Variants in ZPBP observed in about 807,000 individuals in gnomAD.
The protein encoded by ZPBP is zona pellucida binding protein, also known as zona pellucida-binding protein 1.
ZPBP carries 26 observed loss-of-function variants against 44.8 expected under a neutral mutation model. The ratio of observed to expected loss-of-function variants is 0.58; its 90% confidence interval spans 0.43 to 0.81. The LOEUF is 0.81. ZPBP is among the 30% of genes least tolerant of loss of function. The pLI is 0.00. For synonymous variants in ZPBP, 174 were observed against 153.2 expected (o/e 1.14, Z -1.00); for missense variants, 409 against 434.0 (o/e 0.94, Z 0.51).
intron 7 of ZPBP, among the ~76,000 whole-genome samples, chr7:49,963,227 G>T (rs1355011745): frequency 6.6e-6 from 1 of 151,308 alleles, no homozygotes; most frequent in African/African-American, 2.4e-5. Flanking sequence ...TTTAAGAGAT[G>T]GACAACAGAA....
chr7:49,860,260 G>A (rs1790596838), intron 2 of ZPBP, among the ~76,000 whole-genome samples: 1 of 152,024 alleles, frequency 6.6e-6, no homozygotes, highest in Non-Finnish European at 1.5e-5. Context: ...CCTCATTCCT[G>A]TCTACGTCAG....
intron 1 of ZPBP, chr7:49,919,844 A>G (rs962934097): frequency 6.6e-6 from 1 of 152,204 alleles, no homozygotes; most frequent in African/African-American, 2.4e-5. Flanking sequence ...TCATTTTAAG[A>G]TAGGCATCAG....
intron 4 of ZPBP, among the ~76,000 whole-genome samples, chr7:50,052,207 T>C (rs1259324616): frequency 1.3e-5 from 2 of 152,132 alleles, no homozygotes; most frequent in East Asian, 1.9e-4. Flanking sequence ...AGAAAGAGTA[T>C]CTATCTATCT....
chr7:49,939,209 AG>A (rs1159413683), intron 7 of ZPBP, among the ~76,000 whole-genome samples: 4 of 152,226 alleles, frequency 2.6e-5, no homozygotes, highest in Non-Finnish European at 4.4e-5. Context: ...AGATACTAAA[AG>A]TGTTAAATCA....
chr7:49,996,576 T>C (rs1797859654), intron 6 of ZPBP, among the ~76,000 whole-genome samples: 1 of 152,226 alleles, frequency 6.6e-6, no homozygotes, highest in Admixed American at 6.5e-5. Context: ...AGTGTAAATT[T>C]TTGGTTGTTT....
At chr7:49,908,963 G>A (rs1443293693) in intron 1 of ZPBP, among the ~76,000 whole-genome samples, 1 of 152,198 alleles carries the variant, frequency 6.6e-6, no homozygotes. Flanking sequence ...CTCATTACAA[G>A]TGACTGTTGC....
intron 7 of ZPBP, among the ~76,000 whole-genome samples, chr7:49,952,365 T>G (rs1239121790): frequency 6.6e-6 from 1 of 151,960 alleles, no homozygotes; most frequent in Non-Finnish European, 1.5e-5. Flanking sequence ...AGCAGTGGAT[T>G]TAATGAATGA....
chr7:49,911,201 G>T (rs572281673), intron 1 of ZPBP, among the ~76,000 whole-genome samples: 3 of 151,966 alleles, frequency 2.0e-5, no homozygotes, highest in African/African-American at 7.3e-5. Flanking sequence ...AATTTTAAAT[G>T]GGCTGGGAGC....
At chr7:49,928,988 A>T (rs934363308) in intron 1 of ZPBP, among the ~76,000 whole-genome samples, 2 of 152,158 alleles carry the variant, frequency 1.3e-5, no homozygotes, top group African/African-American at 4.8e-5. Flanking sequence ...TGACACTCTG[A>T]GCATACTTGT....
intron 7 of ZPBP, among the ~76,000 whole-genome samples, chr7:49,955,768 G>C (rs1220979300): frequency 1.3e-5 from 2 of 152,064 alleles, no homozygotes; most frequent in Non-Finnish European, 2.9e-5. Context: ...AACATATGTA[G>C]ATGAATAATA....
intron 2 of ZPBP, among the ~76,000 whole-genome samples, chr7:49,860,557 T>C (rs1362655472): frequency 6.6e-6 from 1 of 152,256 alleles, no homozygotes; most frequent in Non-Finnish European, 1.5e-5. Context: ...AATGCTGCAG[T>C]GAACATTGGC....
At chr7:49,923,879 T>G (rs1794126671) in intron 1 of ZPBP, among the ~76,000 whole-genome samples, 1 of 152,212 alleles carries the variant, frequency 6.6e-6, no homozygotes, top group South Asian at 2.1e-4. Flanking sequence ...ATCCCAGCAC[T>G]TTGGGAGGCC....
chr7:50,076,408 C>A (rs1419760906), intron 3 of ZPBP, among the ~76,000 whole-genome samples: 1 of 151,830 alleles, frequency 6.6e-6, no homozygotes, highest in African/African-American at 2.4e-5. Context: ...TGCTGGAAGT[C>A]CTGGCTAGAG....
intron 2 of ZPBP, among the ~76,000 whole-genome samples, chr7:49,868,894 C>T (rs1467555550): frequency 6.6e-6 from 1 of 152,188 alleles, no homozygotes; most frequent in Non-Finnish European, 1.5e-5. Flanking sequence ...GCTGGGATTA[C>T]GGGCATGAGC....
chr7:49,970,994 C>T (rs926451312), intron 7 of ZPBP, among the ~76,000 whole-genome samples: 4 of 152,004 alleles, frequency 2.6e-5, no homozygotes, highest in African/African-American at 9.7e-5. Context: ...CAGTGAGCCA[C>T]GATTGTGTCA....
intron 4 of ZPBP, among the ~76,000 whole-genome samples, chr7:50,042,191 C>A (rs530916026): frequency 1.1e-4 from 17 of 152,156 alleles, no homozygotes; most frequent in African/African-American, 4.1e-4. Flanking sequence ...ACCAAACCTA[C>A]ATTTGATTGG....
intron 7 of ZPBP, among the ~76,000 whole-genome samples, chr7:49,949,896 A>T (rs1795263925): frequency 6.6e-6 from 1 of 152,016 alleles, no homozygotes; most frequent in African/African-American, 2.4e-5. Context: ...TCACATAGAT[A>T]TGGAATAACA....
chr7:49,959,545 T>C (rs1200182414), intron 7 of ZPBP, among the ~76,000 whole-genome samples: 2 of 152,072 alleles, frequency 1.3e-5, no homozygotes, highest in Non-Finnish European at 2.9e-5. Flanking sequence ...TATGAATAAA[T>C]CTAAGAGATT....
chr7:50,042,796 AG>A (rs1214429545), intron 4 of ZPBP, among the ~76,000 whole-genome samples: 1 of 152,248 alleles, frequency 6.6e-6, no homozygotes, highest in African/African-American at 2.4e-5. Flanking sequence ...TCATAATGAC[AG>A]GATAAAATCC....
Sources: gnomAD v4.1 joint callset for allele counts (sites outside exome capture counted in the v4.1 genomes callset) on GRCh38, gnomAD v4.1.1 for gene constraint, MANE v1.5 for transcripts, NCBI Gene and HGNC (gene_info 2026-07-23, HGNC 2026-07-21) for gene names.